The following ENO1 variants were observed in gnomAD, a reference collection of about 807,000 sequenced individuals.
ENO1 encodes enolase 1.
In ENO1, 33 loss-of-function variants were observed where a neutral mutation model predicts 46.3. The ratio of observed to expected loss-of-function variants is 0.71; its 90% CI spans 0.54 to 0.95. The LOEUF (loss-of-function observed/expected upper bound fraction) is 0.95. Among genes scored for constraint, ENO1 ranks in the 40% least tolerant of loss-of-function variants. ENO1 has a pLI of 0.00. For missense variants in ENO1, 488 were observed against 553.3 expected, an observed-to-expected ratio of 0.88 and a Z score of 1.18; for synonymous variants, 220 against 216.0, an observed-to-expected ratio of 1.02 and a Z score of -0.16.
intron 2 of ENO1, among the ~76,000 whole-genome samples, chr1:8,872,929 T>C (rs943711906): frequency 5.3e-5 from 8 of 152,218 alleles, no homozygotes; most frequent in African/African-American, 1.9e-4. Flanking sequence ...TGGTGAAACC[T>C]ATACCTGTAA....
At chr1:8,876,862 G>A (rs1240674909) in intron 1 of ENO1, among the ~76,000 whole-genome samples, 1 of 147,962 alleles carries the variant, frequency 6.8e-6, no homozygotes, top group Non-Finnish European at 1.5e-5. Context: ...TTTATTTTTT[G>A]AGACGGAGTT....
chr1:8,877,433 T>C (rs1642757959), intron 1 of ENO1: 1 of 151,774 alleles, frequency 6.6e-6, no homozygotes, highest in African/African-American at 2.4e-5. Flanking sequence ...GAACCCCGAA[T>C]TAGGGACACG....
At chr1:8,871,665 T>C (rs1192722751) in intron 3 of ENO1, 9 of 1,341,882 alleles carry the variant, frequency 6.7e-6, no homozygotes, top group South Asian at 1.9e-5. Context: ...GAAGCAAGCA[T>C]TGGAACTCTC....
At chr1:8,868,708 CAG>C (rs1254735198) in intron 4 of ENO1, among the ~76,000 whole-genome samples, 8 of 152,156 alleles carry the variant, frequency 5.3e-5, no homozygotes, top group African/African-American at 1.4e-4. Context: ...TTTTTTAAGA[CAG>C]AGTCTCATTC....
In ENO1 at chr1:8,866,642, G is replaced by A. The variant is rs902129433; in HGVS notation, c.445-141C>T. The A allele has an allele frequency of 4.7e-6, 4 of 852,262 alleles. No homozygotes were observed. The African/African-American group carries it at 6.8e-5, about 14-fold the overall frequency. The allele number at this position is 852,262 out of a possible 1,614,324, so 52.8% of individuals were successfully genotyped here. ...CTTGAGGAGCACCAGAGGGGCCAGGGTGCTGTGAAATGCTCACCAGGTCTC... is the reference window on the plus strand; with the variant it reads ...CTTGAGGAGCACCAGAGGGGCCAGGATGCTGTGAAATGCTCACCAGGTCTC... On this transcript the variant is annotated intron_variant, in intron 6 of 11. Transcript: ENST00000234590.
intron 3 of ENO1, 74 bp downstream of exon 3, chr1:8,871,817 G>A: frequency 1.3e-6 from 2 of 1,506,802 alleles, no homozygotes; most frequent in Non-Finnish European, 1.8e-6. Flanking sequence ...GCCACCCAGA[G>A]AGGACAGGAC....
At chr1:8,868,245 T>C (rs565370174) in intron 4 of ENO1, among the ~76,000 whole-genome samples, 188 bp from the exon 5 acceptor site, 3 of 152,188 alleles carry the variant, frequency 2.0e-5, no homozygotes, top group African/African-American at 7.2e-5. Context: ...CTGCTTGCTT[T>C]GATGGTTATC....
intron 6 of ENO1, 54 bp from the exon 7 acceptor site, chr1:8,866,555 G>T: frequency 6.3e-7 from 1 of 1,584,054 alleles, no homozygotes; most frequent in Non-Finnish European, 8.7e-7. Flanking sequence ...GCCCCACAGG[G>T]CAGTAAGCCC....
Position 8,863,958 on chromosome 1 carries a change from C to T in ENO1, c.1000G>A (p.Glu334Lys), listed in dbSNP as rs371689591. The T allele has an allele frequency of 6.8e-5, 110 of 1,614,008 alleles. No homozygotes were observed. Among genetic ancestry groups the T allele is most frequent in the Non-Finnish European group, 8.5e-5 (100 of 1,180,036 alleles). The part of the protein sequence containing the change: ...NPKRIAKAVN[E>K]KSCNCLLLKV... ...AGCAGGAGGCAGTTGCAGGACTTCTCGTTCACGGCCTTGGCGATCCTCTTT... is the reference window on the plus strand; with the variant it reads ...AGCAGGAGGCAGTTGCAGGACTTCTTGTTCACGGCCTTGGCGATCCTCTTT... The change falls in exon 9 of 12, where the codon GAG becomes AAG. Residue 334 changes from glutamate (E) to lysine (K), a missense_variant. Coordinates refer to ENST00000234590, the MANE Select transcript of ENO1 (RefSeq NM_001428.5).
intron 1 of ENO1, chr1:8,877,889 A>C (rs1401972151): frequency 1.3e-5 from 2 of 152,138 alleles, no homozygotes; most frequent in Admixed American, 6.5e-5. Flanking sequence ...AAAAAAAAAA[A>C]AACCAAATCA....
intron 3 of ENO1, chr1:8,871,485 T>C (rs1257686640): frequency 1.1e-5 from 11 of 1,012,830 alleles, no homozygotes; most frequent in Middle Eastern, 4.9e-4. Context: ...TGGTTAGACC[T>C]TCCCTGGATC....
At chr1:8,871,134 GTA>G in intron 3 of ENO1, 1 of 1,161,046 alleles carries the variant, frequency 8.6e-7, no homozygotes, top group Non-Finnish European at 1.1e-6. Flanking sequence ...GTTCGTGTGT[GTA>G]GAGTGCTTCT....
rs1017780225 is a variant in ENO1, at chr1:8,870,706, C to T, written c.182-196G>A. 3.9e-5 allele frequency: 56 copies of T among 1,447,912 alleles called. No homozygotes were observed. The Admixed American group carries it at 1.4e-3, about 35-fold the overall frequency. The allele number at this position is 1,447,912 out of a possible 1,614,324, so 89.7% of individuals were successfully genotyped here. A position where few individuals can be genotyped will look rare whatever the true frequency, so the allele number is the denominator to read the frequency against. ...AGTCTGAGTGCTCCTACCTAGGACC[C>T]CAGAGGGTTAGAGCCACACAAAACA... On this transcript the variant is annotated intron_variant, in intron 3 of 11. Transcript: ENST00000234590.
In ENO1 at chr1:8,874,407, G is replaced by A. The variant is rs572281279; in HGVS notation, c.85+417C>T. On this transcript the variant is annotated intron_variant, in intron 2 of 11. Coordinates refer to ENST00000234590, the MANE Select transcript of ENO1 (RefSeq NM_001428.5). ...GCCTGACCAATATGGTGAAACCCCC[G>A]TCTCTCCCAAAAATGCAAAAATTAG... is the stretch of plus-strand genomic sequence containing the variant. Among the ~76,000 whole-genome samples the A allele has an allele frequency of 1.4e-4, 21 of 151,572 alleles. No homozygotes were observed. In the South Asian group the frequency reaches 3.1e-3, roughly 23 times the overall value.
In ENO1 at chr1:8,866,519, G is replaced by C; in HGVS notation, c.445-18C>G. 6.2e-7 allele frequency: 1 copy of C among 1,613,870 alleles called. No homozygotes were observed. Among genetic ancestry groups the C allele is most frequent in the Non-Finnish European group, 8.5e-7 (1 of 1,179,840 alleles). ...TTGAACGCCTGGGGAGAGCAGAGCA[G>C]AGAAGCATGGCACTGGGTCCAGAGA... On this transcript the variant is annotated intron_variant, in intron 6 of 11. Coordinates refer to ENST00000234590, the MANE Select transcript of ENO1 (RefSeq NM_001428.5).
At position 8,865,306 on chromosome 1, in the gene ENO1, A is replaced by T; in HGVS notation, c.844T>A (p.Ser282Thr). The T allele has an allele frequency of 6.2e-7, 1 of 1,614,120 alleles. No homozygotes were observed. The highest frequency in any genetic ancestry group is 1.3e-5 in the African/African-American group (1 of 75,022). ...TCACCTGGGTAGTCCTTGATGAAGGACTTGTACAGGTCAGCCAGCTGGTCA... is the reference window on the plus strand; with the variant it reads ...TCACCTGGGTAGTCCTTGATGAAGGTCTTGTACAGGTCAGCCAGCTGGTCA... ...SPDQLADLYK[S>T]FIKDYPVVSI... The change falls in exon 8 of 12, where the codon TCC (serine) becomes ACC (threonine). Residue 282 changes from serine to threonine, a missense_variant. Coordinates refer to ENST00000234590, the MANE Select transcript of ENO1 (RefSeq NM_001428.5).
chr1:8,863,532 G>A (rs1642448010), intron 9 of ENO1, among the ~76,000 whole-genome samples, 189 bp from the exon 10 acceptor site: 1 of 152,168 alleles, frequency 6.6e-6, no homozygotes, highest in Non-Finnish European at 1.5e-5. Flanking sequence ...TCCACCCCCA[G>A]GACCTTCTTA....
At chr1:8,872,736 G>A (rs74050929) in intron 2 of ENO1, among the ~76,000 whole-genome samples, 3,820 of 152,204 alleles carry the variant, frequency 0.025, 162 homozygotes, top group African/African-American at 0.088. Flanking sequence ...TGGCTCAGGA[G>A]GAGTATCTAG....
At chr1:8,863,489 A>G (rs1318000496) in intron 9 of ENO1, 146 bp from the exon 10 acceptor site, 6 of 778,506 alleles carry the variant, frequency 7.7e-6, no homozygotes, top group Non-Finnish European at 1.2e-5. Flanking sequence ...TGTCAAGAGC[A>G]CAGAGGAGAA....
Sources: gnomAD v4.1 joint callset for allele counts (sites outside exome capture counted in the v4.1 genomes callset) on GRCh38, gnomAD v4.1.1 for gene constraint, MANE v1.5 for transcripts, NCBI Gene and HGNC (gene_info 2026-07-23, HGNC 2026-07-21) for gene names.